The following GAN variants were observed in gnomAD, a reference collection of about 807,000 sequenced individuals.
GAN encodes epididymis secretory sperm binding protein.
Under a neutral mutation model 71.3 loss-of-function variants are expected in GAN, and 48 were observed. The observed-to-expected ratio is 0.67, with a 90% CI of 0.53 to 0.86. The LOEUF (loss-of-function observed/expected upper bound fraction) is 0.86. Among genes scored for constraint, GAN ranks in the 40% least tolerant of loss-of-function variants. The probability of loss-of-function intolerance (pLI) is 0.00; values close to 1 mark genes in which losing one functional copy is unlikely to be tolerated. For synonymous variants in GAN, 386 were observed against 276.8 expected (o/e 1.39, Z -3.92); for missense variants, 928 against 770.1 (o/e 1.21, Z -2.43).
At chr16:81,347,341 A>G (rs1226818818) in intron 1 of GAN, among the ~76,000 whole-genome samples, 2 of 152,218 alleles carry the variant, frequency 1.3e-5, no homozygotes, top group Non-Finnish European at 1.5e-5. Flanking sequence ...ACTGTCATAC[A>G]CATTATATAT....
At chr16:81,344,962 CAAA>C (rs1349078708) in intron 1 of GAN, among the ~76,000 whole-genome samples, 7 of 152,216 alleles carry the variant, frequency 4.6e-5, no homozygotes, top group Non-Finnish European at 8.8e-5. Flanking sequence ...AGTCACTTCT[CAAA>C]AGAAGACATT....
At position 81,348,922 on chromosome 16, in the gene GAN, A is replaced by G. The variant is rs187729680; in HGVS notation, c.168-2661A>G. 3.4e-4 allele frequency among the ~76,000 whole-genome samples: 52 copies of G among 152,280 alleles called. No individual in the cohort carries two copies. In the East Asian group the frequency reaches 9.3e-3, roughly 27 times the overall value. On this transcript the variant is annotated intron_variant, in intron 1 of 10. Coordinates refer to ENST00000648994, the MANE Select transcript of GAN (RefSeq NM_022041.4). ...GAGCAGAGTTGAGAGAAAAAGACTA[A>G]TGGTCCAGCATTCAGTATGTAAACA...
rs574117797 is a variant in GAN, at chr16:81,336,322, G to C, written c.168-15261G>C. ...GATGGCAGGAACTGTGAGATAGAGG[G>C]GTTGGTATTTTTCCACCCACAAAAG... is the stretch of plus-strand genomic sequence containing the variant. On this transcript the variant is annotated intron_variant, in intron 1 of 10. Transcript: ENST00000648994. Among the ~76,000 whole-genome samples, 30 of 152,280 alleles carry C rather than the reference G, an allele frequency of 2.0e-4. No homozygotes were observed. In the South Asian group the frequency reaches 6.2e-3, roughly 32 times the overall value.
At chr16:81,343,632 C>T (rs577745286) in intron 1 of GAN, among the ~76,000 whole-genome samples, 5 of 152,096 alleles carry the variant, frequency 3.3e-5, no homozygotes, top group Admixed American at 3.3e-4. Context: ...ATAATAAGAC[C>T]TATTTACGAC....
At chr16:81,354,181 C>A (rs1390369686) in intron 2 of GAN, among the ~76,000 whole-genome samples, 1 of 150,924 alleles carries the variant, frequency 6.6e-6, no homozygotes, top group Non-Finnish European at 1.5e-5. Flanking sequence ...ACAGCAAGGG[C>A]AGAGCTGGGA....
In GAN at chr16:81,360,015, TTGGATGGA is replaced by T. The variant is rs796153000; in HGVS notation, c.973+2130_973+2137del. ...ACAATATGTCTTTTTTTGATATATG[TTGGATGGA>T]TGGATGGATGGATGGATGGATGGAT... On this transcript the variant is annotated intron_variant, in intron 5 of 10. Transcript: ENST00000648994. Among the ~76,000 whole-genome samples the T allele has an allele frequency of 5.2e-3, 518 of 98,772 alleles. 5 individuals are homozygous for T. The highest frequency in any genetic ancestry group is 0.017 in the African/African-American group (478 of 28,636). The allele number at this position is 98,772 out of a possible 152,430, so 64.8% of individuals were successfully genotyped here.
At chr16:81,331,492 A>G (rs753435472) in intron 1 of GAN, among the ~76,000 whole-genome samples, 4 of 152,242 alleles carry the variant, frequency 2.6e-5, no homozygotes. Context: ...ACTCAGTACA[A>G]TTTTTAAAAA....
At chr16:81,316,945 G>A (rs1469261984) in intron 1 of GAN, among the ~76,000 whole-genome samples, 5 of 152,014 alleles carry the variant, frequency 3.3e-5, no homozygotes, top group African/African-American at 4.8e-5. Flanking sequence ...TGCAACCTCC[G>A]CCTTCCAGTT....
chr16:81,343,111 G>A (rs1012077704), intron 1 of GAN, among the ~76,000 whole-genome samples: 2 of 152,066 alleles, frequency 1.3e-5, no homozygotes, highest in Non-Finnish European at 2.9e-5. Context: ...ACCAATAACA[G>A]GTTCTGAAAT....
intron 1 of GAN, among the ~76,000 whole-genome samples, chr16:81,328,337 C>T (rs373349818): frequency 1.6e-4 from 24 of 152,176 alleles, no homozygotes; most frequent in African/African-American, 5.8e-4. Flanking sequence ...ACATCTCTCT[C>T]GTATCTCAAT....
In GAN at chr16:81,387,577, AG is replaced by A. The variant is rs1172671348; in HGVS notation, c.*9983del. 6.5e-6 allele frequency: 1 copy of A among 152,704 alleles called. No individual in the cohort carries two copies. The highest frequency in any genetic ancestry group is 2.4e-5 in the African/African-American group (1 of 41,414). 9.5% of individuals were successfully genotyped at this position (152,704 alleles called of 1,614,324 possible). A position where few individuals can be genotyped will look rare whatever the true frequency, so the allele number is the denominator to read the frequency against. On this transcript the variant is annotated 3_prime_UTR_variant, in exon 11 of 11. Coordinates refer to ENST00000648994, the MANE Select transcript of GAN (RefSeq NM_022041.4). ...ACGCCTGTAATCCCAGCACTTTGGG[AG>A]GCAAAGGCAGGTGGATCACTTGAGG...
At chr16:81,333,471 G>A (rs760395797) in intron 1 of GAN, among the ~76,000 whole-genome samples, 4 of 152,102 alleles carry the variant, frequency 2.6e-5, no homozygotes, top group Non-Finnish European at 5.9e-5. Flanking sequence ...AAATAGTACC[G>A]TTTACTAGTT....
In GAN at chr16:81,380,150, A is replaced by G. The variant is rs1014871575; in HGVS notation, c.*2554A>G. On this transcript the variant is annotated 3_prime_UTR_variant, in exon 11 of 11. Coordinates refer to ENST00000648994, the MANE Select transcript of GAN (RefSeq NM_022041.4). ...CTCTTTTGTAAATTACAGTTATTTC[A>G]GTATTGTAAAATAAATGTTGACTCA... 1 of 152,594 alleles carries G rather than the reference A, an allele frequency of 6.6e-6. No homozygotes were observed. The highest frequency in any genetic ancestry group is 1.9e-4 in the East Asian group (1 of 5,208). 9.5% of individuals were successfully genotyped at this position (152,594 alleles called of 1,614,324 possible). A position where few individuals can be genotyped will look rare whatever the true frequency, so the allele number is the denominator to read the frequency against.
rs367785857 is a variant in GAN, at chr16:81,335,086, C to T, written c.168-16497C>T. Among the ~76,000 whole-genome samples the T allele has an allele frequency of 5.0e-3, 655 of 132,096 alleles. 4 individuals carry two copies. The highest frequency in any genetic ancestry group is 0.01 in the Admixed American group (105 of 10,182). 86.7% of individuals were successfully genotyped at this position (132,096 alleles called of 152,430 possible). ...AGACATGGTGGGTACCTTGGCTGCT[C>T]TTTGGAGGTGTTATTGGAGCAGAGA... On this transcript the variant is annotated intron_variant, in intron 1 of 10. Coordinates refer to ENST00000648994, the MANE Select transcript of GAN (RefSeq NM_022041.4).
chr16:81,353,328 T>C (rs1910368102), intron 2 of GAN, among the ~76,000 whole-genome samples: 1 of 151,648 alleles, frequency 6.6e-6, no homozygotes. Flanking sequence ...ATGTAAGTTA[T>C]AACAAACTCC....
rs989820636 is a variant in GAN at position 81,384,248 on chromosome 16, C to T, written c.*6652C>T. ...TAACAAAAGCTTGGAAGCAGGCAGT[C>T]AGAGGCCTTGAGGAATACAATTCTC... On this transcript the variant is annotated 3_prime_UTR_variant, in exon 11 of 11. Coordinates refer to ENST00000648994, the MANE Select transcript of GAN (RefSeq NM_022041.4). 6.7e-6 allele frequency: 1 copy of T among 149,132 alleles called. No individual in the cohort carries two copies. The highest frequency in any genetic ancestry group is 2.1e-4 in the South Asian group (1 of 4,748). 9.2% of individuals were successfully genotyped at this position (149,132 alleles called of 1,614,324 possible).
At position 81,326,108 on chromosome 16, in the gene GAN, C is replaced by T. The variant is rs374632041; in HGVS notation, c.167+10828C>T. On this transcript the variant is annotated intron_variant, in intron 1 of 10. Coordinates refer to ENST00000648994, the MANE Select transcript of GAN (RefSeq NM_022041.4). ...GTGCCTTCAGCAAGGAGTGCATCAT[C>T]GCCTCATTTAGTGTGGAAAACCAGT... Among the ~76,000 whole-genome samples, 11 of 152,286 alleles carry T rather than the reference C, an allele frequency of 7.2e-5. No homozygotes were observed. In the South Asian group the frequency reaches 1.0e-3, roughly 14 times the overall value.
chr16:81,344,229 G>A (rs990121463), intron 1 of GAN, among the ~76,000 whole-genome samples: 4 of 152,082 alleles, frequency 2.6e-5, no homozygotes, highest in African/African-American at 9.7e-5. Context: ...TCAAGCTGCC[G>A]CTGACTTTCT....
Position 81,384,901 on chromosome 16 carries a change from T to A in GAN, c.*7305T>A, listed in dbSNP as rs1317000173. 1.9e-5 allele frequency: 3 copies of A among 154,030 alleles called. No homozygotes were observed. The highest frequency in any genetic ancestry group is 7.2e-5 in the African/African-American group (3 of 41,508). 9.5% of individuals were successfully genotyped at this position (154,030 alleles called of 1,614,324 possible). A position where few individuals can be genotyped will look rare whatever the true frequency, so the allele number is the denominator to read the frequency against. On this transcript the variant is annotated 3_prime_UTR_variant, in exon 11 of 11. Coordinates refer to ENST00000648994, the MANE Select transcript of GAN (RefSeq NM_022041.4). ...GAGGCTCACCAGTTGTAGGCAAGAC[T>A]CTTCCTCTCGGGAGATCTTGTAATA...
Sources: allele counts gnomAD v4.1 joint callset (sites outside exome capture counted in the v4.1 genomes callset), GRCh38; gene constraint gnomAD v4.1.1; transcripts MANE v1.5; gene names NCBI Gene and HGNC (gene_info 2026-07-23, HGNC 2026-07-21).